CPQ: variants seen among roughly 807,000 people sequenced by gnomAD.
CPQ encodes Ser-Met dipeptidase.
A neutral mutation model predicts 45.7 loss-of-function variants in CPQ; 37 were observed. That is an observed-to-expected ratio of 0.81 (90% CI 0.62 to 1.07). CPQ has a LOEUF of 1.07. Among genes scored for constraint, CPQ ranks in the 50% least tolerant of loss-of-function variants. The probability of loss-of-function intolerance (pLI) is 0.00; values close to 1 mark genes in which losing one functional copy is unlikely to be tolerated. For synonymous variants in CPQ, 186 were observed against 205.8 expected (o/e 0.90, Z 0.82); for missense variants, 537 against 572.9 (o/e 0.94, Z 0.64).
At chr8:96,688,121 A>G (rs976671239) in intron 1 of CPQ, among the ~76,000 whole-genome samples, 2 of 151,586 alleles carry the variant, frequency 1.3e-5, no homozygotes, top group Non-Finnish European at 2.9e-5. Flanking sequence ...TTGCTTCTGT[A>G]TTACTGGGTA....
Position 96,943,826 on chromosome 8 carries a change from C to T in CPQ, c.850-22109C>T, listed in dbSNP as rs145207083. Among the ~76,000 whole-genome samples the T allele has an allele frequency of 3.0e-3, 449 of 152,120 alleles. 1 individual carries two copies. The highest frequency in any genetic ancestry group is 0.01 in the African/African-American group (431 of 41,518). ...TTCTAATGCATATTGGGGTTAATTC[C>T]AGGACTCTTATCGTCACTCAGGGTT... is the stretch of plus-strand genomic sequence containing the variant. On this transcript the variant is annotated intron_variant, in intron 4 of 7. Coordinates refer to ENST00000220763, the MANE Select transcript of CPQ (RefSeq NM_016134.4).
At chr8:96,993,844 G>A (rs149521354) in intron 5 of CPQ, among the ~76,000 whole-genome samples, 2 of 152,170 alleles carry the variant, frequency 1.3e-5, no homozygotes, top group Admixed American at 1.3e-4. Flanking sequence ...ATTTCAAGCA[G>A]GAAGTGATTT....
intron 1 of CPQ, among the ~76,000 whole-genome samples, chr8:96,737,022 G>A (rs908121434): frequency 6.6e-6 from 1 of 151,770 alleles, no homozygotes; most frequent in African/African-American, 2.4e-5. Flanking sequence ...TTTGCCAGAG[G>A]TATGCCAATT....
intron 5 of CPQ, among the ~76,000 whole-genome samples, chr8:97,015,400 T>TATCA (rs1442669056): frequency 1.3e-5 from 2 of 151,754 alleles, no homozygotes; most frequent in African/African-American, 4.9e-5. Context: ...AGAGCCCTAC[T>TATCA]ATCAGGCAAT....
chr8:96,928,321 G>A (rs979503599), intron 4 of CPQ, among the ~76,000 whole-genome samples: 4 of 151,074 alleles, frequency 2.6e-5, no homozygotes, highest in South Asian at 2.1e-4. Flanking sequence ...TAAATCAAAC[G>A]TCAGGAAATT....
intron 7 of CPQ, among the ~76,000 whole-genome samples, chr8:97,128,951 G>C (rs973783925): frequency 2.0e-5 from 3 of 152,172 alleles, no homozygotes; most frequent in Non-Finnish European, 4.4e-5. Context: ...TCTCCACAGG[G>C]GGAAGTGAGT....
intron 5 of CPQ, among the ~76,000 whole-genome samples, chr8:96,991,628 T>C (rs960959254): frequency 1.8e-4 from 28 of 151,522 alleles, no homozygotes; most frequent in Non-Finnish European, 2.9e-4. Flanking sequence ...TAGCTATAAT[T>C]ATTTCTTTAA....
intron 7 of CPQ, among the ~76,000 whole-genome samples, chr8:97,128,717 C>T (rs898237388): frequency 6.6e-6 from 1 of 152,148 alleles, no homozygotes; most frequent in South Asian, 2.1e-4. Flanking sequence ...AAAAAACTTT[C>T]TCCTCAGCTT....
At chr8:96,712,704 C>A (rs183304752) in intron 1 of CPQ, among the ~76,000 whole-genome samples, 1 of 152,198 alleles carries the variant, frequency 6.6e-6, no homozygotes, top group African/African-American at 2.4e-5. Flanking sequence ...GGGCCCTGTA[C>A]ATGGCCCACA....
chr8:96,691,255 C>G (rs115020009), intron 1 of CPQ, among the ~76,000 whole-genome samples: 2 of 152,162 alleles, frequency 1.3e-5, no homozygotes, highest in South Asian at 4.1e-4. Flanking sequence ...TAACTCTAAT[C>G]TCTGCCTCAG....
chr8:96,668,289 A>G (rs537424200), intron 1 of CPQ, among the ~76,000 whole-genome samples: 2 of 152,328 alleles, frequency 1.3e-5, no homozygotes, highest in South Asian at 4.1e-4. Flanking sequence ...AAGTTACCAT[A>G]ATATATGTCT....
intron 5 of CPQ, among the ~76,000 whole-genome samples, chr8:97,014,376 C>A (rs939325598): frequency 6.6e-6 from 1 of 151,990 alleles, no homozygotes; most frequent in Non-Finnish European, 1.5e-5. Context: ...AGTGGTCAGG[C>A]GCAGTGGCTC....
chr8:96,840,408 C>T (rs895663209), intron 3 of CPQ, among the ~76,000 whole-genome samples: 26 of 152,076 alleles, frequency 1.7e-4, no homozygotes, highest in African/African-American at 6.0e-4. Context: ...GTGAATTTTA[C>T]AGCAGTGGTT....
At chr8:97,087,457 G>A (rs1330509246) in intron 7 of CPQ, among the ~76,000 whole-genome samples, 1 of 152,116 alleles carries the variant, frequency 6.6e-6, no homozygotes, top group Non-Finnish European at 1.5e-5. Flanking sequence ...TCCATAGCAA[G>A]TCATCACCAC....
At chr8:96,872,009 ATCACAC>A (rs775277413) in intron 3 of CPQ, among the ~76,000 whole-genome samples, 1 of 151,972 alleles carries the variant, frequency 6.6e-6, no homozygotes, top group Non-Finnish European at 1.5e-5. Context: ...ATTTTGGGAG[ATCACAC>A]TCTAGAAAGA....
intron 3 of CPQ, among the ~76,000 whole-genome samples, chr8:96,837,697 G>A (rs759893649): frequency 1.3e-4 from 20 of 152,160 alleles, no homozygotes; most frequent in African/African-American, 3.9e-4. Flanking sequence ...TACCACTGCC[G>A]CCAGCTCTAG....
At chr8:96,927,036 A>C (rs1490978215) in intron 4 of CPQ, among the ~76,000 whole-genome samples, 1 of 152,260 alleles carries the variant, frequency 6.6e-6, no homozygotes. Flanking sequence ...TGAGAAATTT[A>C]GGTAGCAGAG....
intron 5 of CPQ, among the ~76,000 whole-genome samples, chr8:97,007,372 C>A (rs1187392773): frequency 2.0e-5 from 3 of 152,194 alleles, no homozygotes. Context: ...GCCAACCCTG[C>A]AGAAATGCCT....
intron 6 of CPQ, among the ~76,000 whole-genome samples, chr8:97,058,899 C>T (rs899889033): frequency 3.3e-5 from 5 of 151,874 alleles, no homozygotes; most frequent in Non-Finnish European, 7.4e-5. Flanking sequence ...TCATATCTAC[C>T]GAATATCCTG....
Sources: gnomAD v4.1 joint callset for allele counts (sites outside exome capture counted in the v4.1 genomes callset) on GRCh38, gnomAD v4.1.1 for gene constraint, MANE v1.5 for transcripts, NCBI Gene and HGNC (gene_info 2026-07-23, HGNC 2026-07-21) for gene names.